TTC24: variants seen among roughly 807,000 people sequenced by gnomAD.
The protein encoded by TTC24 is tetratricopeptide repeat protein 24.
In TTC24, 54 loss-of-function variants were observed where a neutral mutation model predicts 63.3. The observed-to-expected ratio is 0.85, with a 90% CI of 0.69 to 1.07. The LOEUF (loss-of-function observed/expected upper bound fraction) is 1.07. Among genes scored for constraint, TTC24 ranks in the 50% least tolerant of loss-of-function variants. The pLI, the probability that TTC24 is intolerant of heterozygous loss-of-function variation, is 0.00. For missense variants in TTC24, 680 were observed against 730.5 expected (o/e 0.93, Z 0.80); for synonymous variants, 276 against 304.3 (o/e 0.91, Z 0.97).
chr1:156,583,528 C>A lies in TTC24; in HGVS notation c.1152+78C>A. On this transcript the variant is annotated intron_variant, in intron 5 of 10. Transcript: ENST00000368236. The surrounding 1 kb of genome is among the most constrained non-coding windows in gnomAD (Gnocchi z 4.0). ...TGACATTCCTGCCTTCACTCCTTGT[C>A]TTCTCCCCATCACTCACTCAATCAG... 4 of 1,208,966 alleles carry A rather than the reference C, an allele frequency of 3.3e-6. No individual in the cohort carries two copies. The highest frequency in any genetic ancestry group is 4.6e-6 in the Non-Finnish European group (4 of 862,148). The allele number at this position is 1,208,966 out of a possible 1,614,324, so 74.9% of individuals were successfully genotyped here.
chr1:156,584,356 G>C (rs1441241298), intron 6 of TTC24, among the ~76,000 whole-genome samples: 1 of 152,016 alleles, frequency 6.6e-6, no homozygotes, highest in African/African-American at 2.4e-5. Context: ...TGTACGATTC[G>C]TTGGCTCTCC....
rs190941304 is a variant in TTC24, at chr1:156,580,941, A to G, written c.-4-420A>G. On this transcript the variant is annotated intron_variant, in intron 1 of 10. Transcript: ENST00000368236. ...CCAGAACTTTTTCATCTCCTTTCAT[A>G]AACATTTATTGAGAATCTACTGTGT... Among the ~76,000 whole-genome samples the G allele has an allele frequency of 2.5e-3, 381 of 152,306 alleles. 3 individuals carry two copies. The highest frequency in any genetic ancestry group is 8.7e-3 in the African/African-American group (360 of 41,558).
At position 156,581,659 on chromosome 1, in the gene TTC24, C is replaced by T. The variant is rs1676999169; in HGVS notation, c.295C>T (p.Leu99Phe). ...YVETGDPARG[L>F]ELLLRAHPEE... ...GGAGACTGGGGACCCAGCCAGAGGC[C>T]TTGAGCTACTCCTGCGAGCCCACCC... The change falls in exon 2 of 11, where the codon CTT (leucine) becomes TTT (phenylalanine). Residue 99 changes from leucine (L) to phenylalanine (F), a missense_variant. Physicochemically the swap from Leu to Phe is conservative, Grantham distance 22. Coordinates refer to ENST00000368236, the MANE Select transcript of TTC24 (RefSeq NM_001105669.4). The T allele has an allele frequency of 6.4e-7, 1 of 1,551,770 alleles. No homozygotes were observed. Among genetic ancestry groups the T allele is most frequent in the South Asian group, 1.2e-5 (1 of 84,068 alleles).
rs753500439 is a variant in TTC24 at position 156,583,151 on chromosome 1, G to T, written c.1020G>T (p.Leu340=). The T allele has an allele frequency of 1.9e-6, 3 of 1,612,888 alleles. No individual in the cohort carries two copies. The highest frequency in any genetic ancestry group is 2.5e-6 in the Non-Finnish European group (3 of 1,179,440). ...CCAGAGACAACTACCTGCATGCCCT[G>T]CAGGCTGCCCGGGACTCTGGTAAGC... ...KAARDNYLHA[L]QAARDSGDMK... The change falls in exon 4 of 11, where the codon CTG becomes CTT. Residue 340 remains leucine, a synonymous_variant. Transcript: ENST00000368236. This position sits in a 1 kb window ranked among gnomAD's most constrained non-coding sequence, Gnocchi z 4.0.
At position 156,581,465 on chromosome 1, in the gene TTC24, C is replaced by T. The variant is rs1247270753; in HGVS notation, c.101C>T (p.Ala34Val). 1.3e-6 allele frequency: 2 copies of T among 1,550,862 alleles called. No homozygotes were observed. Among genetic ancestry groups the T allele is most frequent in the East Asian group, 2.4e-5 (1 of 40,898 alleles). ...AAAAGAAAGTGGCTGCGGCAAGAAG[C>T]CAGCATCCAAGCCCTCACCAGGGCT... ...KKKRKWLRQE[A>V]SIQALTRAGH... The change falls in exon 2 of 11, where the codon GCC becomes GTC. Residue 34 changes from alanine (A) to valine (V), a missense_variant. Physicochemically the swap from Ala to Val is moderately conservative, Grantham distance 64. Transcript: ENST00000368236.
chr1:156,584,553 G>A, intron 6 of TTC24: 1 of 292,100 alleles, frequency 3.4e-6, no homozygotes, highest in East Asian at 5.7e-5. Context: ...ACAGGCAGAG[G>A]ATTGGATTGA....
chr1:156,586,523 G>T lies in TTC24; in HGVS notation c.1722G>T (p.Met574Ile). The change falls in exon 11 of 11, where the codon ATG becomes ATT. Residue 574 changes from methionine to isoleucine, a missense_variant. Coordinates refer to ENST00000368236, the MANE Select transcript of TTC24 (RefSeq NM_001105669.4). ...GCAGGAGCCGCCAGAGGAGACCCATGGAGTCGGGCATCTGCACTATTGTGT... is the reference window on the plus strand; with the variant it reads ...GCAGGAGCCGCCAGAGGAGACCCATTGAGTCGGGCATCTGCACTATTGTGT... ...SLSRSRQRRP[M>I]ESGICTIV The T allele has an allele frequency of 6.2e-7, 1 of 1,613,612 alleles. No homozygotes were observed. The highest frequency in any genetic ancestry group is 8.5e-7 in the Non-Finnish European group (1 of 1,179,768).
chr1:156,582,918 T>G, intron 3 of TTC24, 124 bp from the exon 4 acceptor site: 2 of 1,235,982 alleles, frequency 1.6e-6, no homozygotes, highest in Non-Finnish European at 2.2e-6. Flanking sequence ...CTCGGATGCA[T>G]CTGGAGTGTT....
At chr1:156,581,136 T>C (rs919624696) in intron 1 of TTC24, among the ~76,000 whole-genome samples, 2 of 152,224 alleles carry the variant, frequency 1.3e-5, no homozygotes, top group African/African-American at 2.4e-5. Flanking sequence ...AAGCTGTTAC[T>C]TGACTTGAGT....
chr1:156,582,940 C>A, intron 3 of TTC24, 102 bp from the exon 4 acceptor site: 1 of 1,436,898 alleles, frequency 7.0e-7, no homozygotes, highest in Non-Finnish European at 9.4e-7. Flanking sequence ...TGGGGCTGGG[C>A]ACCAGGCCTC....
Position 156,585,790 on chromosome 1 carries a change from T to C in TTC24, c.1534T>C (p.Cys512Arg). The stretch of plus-strand genomic sequence containing the variant: ...CCCCACGTTTACCAAGCACACGCCC[T>C]GCAGAGGGACAGTCCTCGGCAAAGC... ...SCPTFTKHTP[C>R]RGTVLGKASI... The change falls in exon 9 of 11, where the codon TGC becomes CGC. Residue 512 changes from cysteine (C) to arginine (R), a missense_variant. Cys to Arg is a radical substitution (Grantham distance 180). Coordinates refer to ENST00000368236, the MANE Select transcript of TTC24 (RefSeq NM_001105669.4). 6.2e-7 allele frequency: 1 copy of C among 1,613,972 alleles called. No homozygotes were observed. The highest frequency in any genetic ancestry group is 8.5e-7 in the Non-Finnish European group (1 of 1,179,854).
Position 156,581,355 on chromosome 1 carries a change from T to A in TTC24, c.-4-6T>A, listed in dbSNP as rs1676984511. On this transcript the variant is annotated splice_region_variant and splice_polypyrimidine_tract_variant and intron_variant, in intron 1 of 10. Transcript: ENST00000368236. ...ACATACTGAGCCCTCTGTTCCCCTT[T>A]GTCAGCCCTATGTCTTCCCCCAACC... 6.8e-7 allele frequency: 1 copy of A among 1,471,434 alleles called. No homozygotes were observed. The highest frequency in any genetic ancestry group is 9.0e-7 in the Non-Finnish European group (1 of 1,108,934). 91.1% of individuals were successfully genotyped at this position (1,471,434 alleles called of 1,614,324 possible). A position where few individuals can be genotyped will look rare whatever the true frequency, so the allele number is the denominator to read the frequency against.
chr1:156,585,901 T>G, intron 9 of TTC24, 48 bp from the exon 10 acceptor site: 1 of 1,586,236 alleles, frequency 6.3e-7, no homozygotes, highest in Non-Finnish European at 8.7e-7. Flanking sequence ...ATGATAGTTC[T>G]TGGTGCAGAG....
rs1677202877 is a variant in TTC24 at position 156,587,285 on chromosome 1, G to T, written c.*735G>T. Among the ~76,000 whole-genome samples, 1 of 152,018 alleles carries T rather than the reference G, an allele frequency of 6.6e-6. No homozygotes were observed. The highest frequency in any genetic ancestry group is 2.1e-4 in the South Asian group (1 of 4,824). On this transcript the variant is annotated 3_prime_UTR_variant, in exon 11 of 11. Coordinates refer to ENST00000368236, the MANE Select transcript of TTC24 (RefSeq NM_001105669.4). ...CCTCTAATCCTCACAACAAATATAT[G>T]AGGTGCTATTATCCCCTTTCGCAAA... is the stretch of plus-strand genomic sequence containing the variant.
chr1:156,583,827 G>A lies in TTC24; in HGVS notation c.1183G>A (p.Val395Met), dbSNP rs1413878844. Residue 395 changes from valine to methionine, a missense_variant, in exon 6 of 11, where the codon GTG (valine) becomes ATG (methionine). Transcript: ENST00000368236. This position sits in a 1 kb window ranked among gnomAD's most constrained non-coding sequence, Gnocchi z 4.0. ...GCCAGATTCTGTGCGAGAACGGCTGGTGGCCAAGCTGGCAGACACCGTGAG... is the reference window on the plus strand; with the variant it reads ...GCCAGATTCTGTGCGAGAACGGCTGATGGCCAAGCTGGCAGACACCGTGAG... ...KEPDSVRERL[V>M]AKLADTVRTR... 3 of 1,587,138 alleles carry A rather than the reference G, an allele frequency of 1.9e-6. No individual in the cohort carries two copies. The highest frequency in any genetic ancestry group is 2.6e-6 in the Non-Finnish European group (3 of 1,167,902).
Position 156,587,291 on chromosome 1 carries a change from C to G in TTC24, c.*741C>G, listed in dbSNP as rs1035394024. ...ATCCTCACAACAAATATATGAGGTG[C>G]TATTATCCCCTTTCGCAAATGAGGA... On this transcript the variant is annotated 3_prime_UTR_variant, in exon 11 of 11. Transcript: ENST00000368236. Among the ~76,000 whole-genome samples the G allele has an allele frequency of 1.3e-4, 20 of 152,210 alleles. No individual in the cohort carries two copies. Among genetic ancestry groups the G allele is most frequent in the African/African-American group, 4.1e-4 (17 of 41,454 alleles).
At position 156,583,209 on chromosome 1, in the gene TTC24, G is replaced by A. The variant is rs905936809; in HGVS notation, c.1039+39G>A. On this transcript the variant is annotated intron_variant, in intron 4 of 10. Coordinates refer to ENST00000368236, the MANE Select transcript of TTC24 (RefSeq NM_001105669.4). This position sits in a 1 kb window ranked among gnomAD's most constrained non-coding sequence, Gnocchi z 4.0. ...GGTTGGGATGTGACTGGGACAGTGG[G>A]GAGGCTGAGGGTCCTAGGGGCTGGC... 2 of 1,610,496 alleles carry A rather than the reference G, an allele frequency of 1.2e-6. No individual in the cohort carries two copies. Among genetic ancestry groups the A allele is most frequent in the Admixed American group, 3.4e-5 (2 of 59,362 alleles).
rs376307437 is a variant in TTC24 at position 156,583,054 on chromosome 1, A to C, written c.923A>C (p.Gln308Pro). 3.0e-5 allele frequency: 48 copies of C among 1,612,542 alleles called. 1 individual carries two copies. The highest frequency in any genetic ancestry group is 5.1e-6 in the Non-Finnish European group (6 of 1,179,298). The change falls in exon 4 of 11, where the codon CAG (glutamine) becomes CCG (proline). Residue 308 changes from glutamine (Q) to proline (P), a missense_variant. By Grantham distance (76) the Gln-to-Pro change is moderately conservative. Coordinates refer to ENST00000368236, the MANE Select transcript of TTC24 (RefSeq NM_001105669.4). This position sits in a 1 kb window ranked among gnomAD's most constrained non-coding sequence, Gnocchi z 4.0. ...KAADLHGSVGQRWEQGRSFGS... is the reference protein window; with the variant it reads ...KAADLHGSVGPRWEQGRSFGS... ...GCTCTGTCCTCAGGCTCTGTGGGGC[A>C]GCGGTGGGAGCAGGGCCGGAGCTTT...
In TTC24 at chr1:156,583,373, C is replaced by CT. The variant is rs767078093; in HGVS notation, c.1076dup (p.Ala361GlyfsTer10). On this transcript the variant is annotated frameshift_variant, in exon 5 of 11. Coordinates refer to ENST00000368236, the MANE Select transcript of TTC24 (RefSeq NM_001105669.4). LOFTEE classifies it high-confidence loss of function. This position sits in a 1 kb window ranked among gnomAD's most constrained non-coding sequence, Gnocchi z 4.0. ...GGGACAGTGGCAGGCCTGTGAGGGTCTGGGGGCTGCTGCAGCCAGGCTGGG... is the reference window on the plus strand; with the variant it reads ...GGGACAGTGGCAGGCCTGTGAGGGTCTTGGGGGCTGCTGCAGCCAGGCTGGG... 6.2e-7 allele frequency: 1 copy of CT among 1,612,188 alleles called. No homozygotes were observed. The highest frequency in any genetic ancestry group is 8.5e-7 in the Non-Finnish European group (1 of 1,179,330).
Sources: allele counts gnomAD v4.1 joint callset (sites outside exome capture counted in the v4.1 genomes callset), GRCh38; gene constraint gnomAD v4.1.1; non-coding constraint Gnocchi (gnomAD v3.1); transcripts MANE v1.5; gene names NCBI Gene and HGNC (gene_info 2026-07-23, HGNC 2026-07-21).